MGAM: variants seen among roughly 807,000 people sequenced by gnomAD.
MGAM encodes the protein maltase-glucoamylase, also known as alpha-1,4-glucosidase.
Under a neutral mutation model 358.8 loss-of-function variants are expected in MGAM, and 253 were observed. The observed-to-expected ratio is 0.71, with a 90% CI of 0.64 to 0.78. The LOEUF is 0.78. Among genes scored for constraint, MGAM ranks in the 30% least tolerant of loss-of-function variants. The pLI is 0.00. For missense variants in MGAM, 3,080 were observed against 3,432.6 expected, an observed-to-expected ratio of 0.90 and a Z score of 2.57; for synonymous variants, 1,105 against 1,227.1, an observed-to-expected ratio of 0.90 and a Z score of 2.08.
At chr7:142,016,075 A>C (rs1805937256) in intron 3 of MGAM, among the ~76,000 whole-genome samples, 2 of 152,158 alleles carry the variant, frequency 1.3e-5, no homozygotes, top group Admixed American at 1.3e-4. Context: ...ATGTTCATGG[A>C]TAAGACTCGG....
At position 142,091,820 on chromosome 7, in the gene MGAM, T is replaced by C; in HGVS notation, c.6811-93T>C. The C allele has an allele frequency of 7.0e-6, 9 of 1,283,284 alleles. 2 individuals carry two copies. Among genetic ancestry groups the C allele is most frequent in the Non-Finnish European group, 9.7e-6 (9 of 928,038 alleles). 79.5% of individuals were successfully genotyped at this position (1,283,284 alleles called of 1,614,324 possible). A position where few individuals can be genotyped will look rare whatever the true frequency, so the allele number is the denominator to read the frequency against. ...TTCAGGCCGTCTGTCACCATGCAGT[T>C]GAAGTATTTGTGCGAGTTGCATTCT... On this transcript the variant is annotated intron_variant, in intron 57 of 70. Transcript: ENST00000475668.
At position 142,090,501 on chromosome 7, in the gene MGAM, C is replaced by T. The variant is rs544328065; in HGVS notation, c.6811-1412C>T. 8.1e-4 allele frequency among the ~76,000 whole-genome samples: 119 copies of T among 146,050 alleles called. 20 individuals are homozygous for T. The highest frequency in any genetic ancestry group is 1.1e-3 in the Non-Finnish European group (71 of 64,488). ...CATGCCCACTTCTGTCAAGATTCTC[C>T]GTGATGTGACCCACTGTCTTCTCAC... On this transcript the variant is annotated intron_variant, in intron 57 of 70. Coordinates refer to ENST00000475668, the MANE Select transcript of MGAM (RefSeq NM_001365693.1).
At chr7:142,018,930 T>C (rs1246107674) in intron 3 of MGAM, among the ~76,000 whole-genome samples, 1 of 150,648 alleles carries the variant, frequency 6.6e-6, no homozygotes, top group Admixed American at 6.6e-5. Context: ...TATTTAAATA[T>C]ATTTATGAGT....
At chr7:141,994,833 A>G (rs1804113448), upstream of MGAM, among the ~76,000 whole-genome samples, 1 of 152,008 alleles carries the variant, frequency 6.6e-6, no homozygotes, top group Non-Finnish European at 1.5e-5. Context: ...TTCCCCTTCC[A>G]CCATGATTGT....
intron 59 of MGAM, among the ~76,000 whole-genome samples, chr7:142,092,813 T>G (rs1418140364): frequency 1.4e-5 from 2 of 146,624 alleles, no homozygotes; most frequent in South Asian, 4.3e-4. Context: ...ACAAATTTTT[T>G]GAATTTGTCT....
rs542977619 is a variant in MGAM, at chr7:142,093,548, C to G, written c.7170C>G (p.Tyr2390Ter). The G allele has an allele frequency of 6.7e-7, 1 of 1,498,810 alleles. No individual in the cohort carries two copies. The highest frequency in any genetic ancestry group is 9.1e-7 in the Non-Finnish European group (1 of 1,102,986). 92.8% of individuals were successfully genotyped at this position (1,498,810 alleles called of 1,614,324 possible). A position where few individuals can be genotyped will look rare whatever the true frequency, so the allele number is the denominator to read the frequency against. Residue 2390 changes from tyrosine (Y) to a stop codon, truncating the protein, a stop_gained and splice_region_variant, in exon 60 of 71, where the codon TAC becomes TAG. Coordinates refer to ENST00000475668, the MANE Select transcript of MGAM (RefSeq NM_001365693.1). LOFTEE classifies it high-confidence loss of function. Reference protein sequence around the residue: ...LYGWSQTRPTYEAVQEVTGQR... With the variant: ...LYGWSQTRPT ...GGTGGTCCCAGACCAGACCCACATACGAGTGAGTCTCTGTCTCCCTTCTCC... is the reference window on the plus strand; with the variant it reads ...GGTGGTCCCAGACCAGACCCACATAGGAGTGAGTCTCTGTCTCCCTTCTCC...
At chr7:142,003,103 A>C (rs1200798072) in intron 1 of MGAM, among the ~76,000 whole-genome samples, 2 of 152,086 alleles carry the variant, frequency 1.3e-5, no homozygotes, top group Non-Finnish European at 2.9e-5. Context: ...CCCATGTTCA[A>C]GGATTGGAGG....
intron 14 of MGAM, among the ~76,000 whole-genome samples, chr7:142,033,255 A>G (rs1195026190): frequency 2.0e-5 from 3 of 152,196 alleles, no homozygotes; most frequent in African/African-American, 4.8e-5. Context: ...GAGAGACACC[A>G]GGTAACCAGC....
intron 18 of MGAM, among the ~76,000 whole-genome samples, chr7:142,037,527 T>C (rs1808101060): frequency 6.6e-6 from 1 of 152,190 alleles, no homozygotes; most frequent in South Asian, 2.1e-4. Context: ...CAAAATACAG[T>C]CAACTCCCTT....
chr7:142,062,530 T>C, intron 34 of MGAM, 38 bp from the exon 35 acceptor site: 1 of 1,526,392 alleles, frequency 6.6e-7, no homozygotes, highest in Non-Finnish European at 8.8e-7. Context: ...GTCTTCTATA[T>C]TTGTGTGGGA....
chr7:141,998,283 G>T (rs1273825952), intron 1 of MGAM, among the ~76,000 whole-genome samples: 1 of 152,150 alleles, frequency 6.6e-6, no homozygotes, highest in African/African-American at 2.4e-5. Flanking sequence ...TACATGTGCA[G>T]AATGTGCAGG....
intron 33 of MGAM, 49 bp downstream of exon 33, chr7:142,060,015 A>G: frequency 3.2e-6 from 2 of 626,910 alleles, no homozygotes; most frequent in Non-Finnish European, 4.8e-6. Flanking sequence ...AGGGTGGGTC[A>G]CTGTTGGTGG....
intron 3 of MGAM, among the ~76,000 whole-genome samples, chr7:142,009,004 C>T (rs184087640): frequency 5.9e-4 from 90 of 152,156 alleles, no homozygotes; most frequent in African/African-American, 1.9e-3. Flanking sequence ...AAGTGTGTCC[C>T]GTGAAAGATT....
intron 8 of MGAM, among the ~76,000 whole-genome samples, chr7:142,026,308 A>G (rs1806964989): frequency 6.6e-6 from 1 of 152,070 alleles, no homozygotes. Context: ...ATGTGGTGGG[A>G]CATGTTCTGT....
rs183504556 is a variant in MGAM at position 142,031,215 on chromosome 7, G to T, written c.1470+458G>T. 5.9e-3 allele frequency among the ~76,000 whole-genome samples: 895 copies of T among 152,218 alleles called. 12 individuals carry two copies. Among genetic ancestry groups the T allele is most frequent in the African/African-American group, 0.02 (834 of 41,540 alleles). ...ATGTTTGTTTGTCCTTGTTTTTTCA[G>T]GAAGGTGTTATCTGCTTGTTCACTT... On this transcript the variant is annotated intron_variant, in intron 12 of 70. Transcript: ENST00000475668.
chr7:142,008,759 AT>A (rs879988723), intron 3 of MGAM, 54 bp downstream of exon 3: 654 of 1,527,434 alleles, frequency 4.3e-4, no homozygotes, highest in African/African-American at 2.2e-3. Flanking sequence ...TTGATAGTTT[AT>A]TTTTTTTTGT....
Position 142,056,931 on chromosome 7 carries a change from C to G in MGAM, c.3682C>G (p.Gln1228Glu). The G allele has an allele frequency of 6.2e-7, 1 of 1,613,744 alleles. No individual in the cohort carries two copies. The highest frequency in any genetic ancestry group is 1.7e-5 in the Admixed American group (1 of 60,012). ...LGPTPELVTQ[Q>E]YTELIGRPVM... Reference sequence around the variant, plus strand: ...GCCGACTCCAGAGCTTGTCACCCAGCAGTACACTGAGGTAGGGGGAAATCC... The same window carrying G: ...GCCGACTCCAGAGCTTGTCACCCAGGAGTACACTGAGGTAGGGGGAAATCC... Residue 1228 changes from glutamine to glutamate, a missense_variant, in exon 30 of 71, where the codon CAG (glutamine) becomes GAG (glutamate). By Grantham distance (29) the Gln-to-Glu change is conservative. Around this residue, in one of 5 missense-constraint regions of MGAM, gnomAD observed 1,816 missense variants for 1,840.5 expected, o/e 0.99. Coordinates refer to ENST00000475668, the MANE Select transcript of MGAM (RefSeq NM_001365693.1).
chr7:142,044,462 G>T (rs1441730665), intron 21 of MGAM, among the ~76,000 whole-genome samples: 1 of 133,326 alleles, frequency 7.5e-6, no homozygotes, highest in East Asian at 2.2e-4. Flanking sequence ...ATACACATAC[G>T]ATATATGATA....
At chr7:142,048,008 T>G in intron 22 of MGAM, 135 bp downstream of exon 22, 2 of 723,290 alleles carry the variant, frequency 2.8e-6, no homozygotes, top group Non-Finnish European at 4.7e-6. Flanking sequence ...GTATTTTGTT[T>G]CTGGTTGCAC....
Sources: allele counts gnomAD v4.1 joint callset (sites outside exome capture counted in the v4.1 genomes callset), GRCh38; gene constraint gnomAD v4.1.1; regional missense constraint gnomAD v4.1.1; transcripts MANE v1.5; gene names NCBI Gene and HGNC (gene_info 2026-07-23, HGNC 2026-07-21).